Variants in MRC2 observed in about 807,000 individuals in gnomAD.
MRC2 encodes mannose receptor C-type 2, also known as C-type mannose receptor 2.
Under a neutral mutation model 206.2 loss-of-function variants are expected in MRC2, and 84 were observed. That is an observed-to-expected ratio of 0.41 (90% CI 0.34 to 0.49). The LOEUF is 0.49. Among genes scored for constraint, MRC2 ranks in the 20% least tolerant of loss-of-function variants. The probability of loss-of-function intolerance (pLI) is 0.31; values close to 1 mark genes in which losing one functional copy is unlikely to be tolerated. For missense variants in MRC2, 1,676 were observed against 2,001.5 expected (o/e 0.84, Z 3.10); for synonymous variants, 798 against 800.0 (o/e 1.00, Z 0.04).
chr17:62,662,249 C>CAAA (rs36108581), intron 1 of MRC2, among the ~76,000 whole-genome samples: 1 of 119,206 alleles, frequency 8.4e-6, no homozygotes, highest in Admixed American at 8.7e-5. Context: ...GACTCTGTCT[C>CAAA]AAAAAAAAAA....
intron 1 of MRC2, among the ~76,000 whole-genome samples, chr17:62,651,744 G>A (rs1346260190): frequency 1.3e-5 from 2 of 151,862 alleles, no homozygotes. Context: ...GCTAATTTTT[G>A]TATTTTTATT....
chr17:62,636,665 G>T (rs2088324693), intron 1 of MRC2, among the ~76,000 whole-genome samples: 1 of 151,764 alleles, frequency 6.6e-6, no homozygotes, highest in African/African-American at 2.4e-5. Flanking sequence ...GTAGAGACGG[G>T]GTTTCACCGT....
chr17:62,670,962 G>A (rs1307451968), intron 6 of MRC2, among the ~76,000 whole-genome samples: 1 of 152,212 alleles, frequency 6.6e-6, no homozygotes, highest in Non-Finnish European at 1.5e-5. Context: ...TTACTAGGCA[G>A]GGGGCCATAA....
chr17:62,668,696 G>T (rs1381874896), intron 6 of MRC2, among the ~76,000 whole-genome samples: 1 of 152,220 alleles, frequency 6.6e-6, no homozygotes, highest in African/African-American at 2.4e-5. Context: ...GGCCAAGTTT[G>T]GGTGGGGCCA....
rs145788784 is a variant in MRC2, at chr17:62,643,068, C to T, written c.118+15148C>T. ...AATAGCCAGGCGCGGTTGCTCTCGCCTGTAATCCCAGCACTTTGGGAGTCC... is the reference window on the plus strand; with the variant it reads ...AATAGCCAGGCGCGGTTGCTCTCGCTTGTAATCCCAGCACTTTGGGAGTCC... On this transcript the variant is annotated intron_variant, in intron 1 of 29. Coordinates refer to ENST00000303375, the MANE Select transcript of MRC2 (RefSeq NM_006039.5). 5.0e-3 allele frequency among the ~76,000 whole-genome samples: 758 copies of T among 152,244 alleles called. 4 individuals are homozygous for T. The highest frequency in any genetic ancestry group is 0.016 in the African/African-American group (685 of 41,542).
At chr17:62,638,354 A>C (rs865831522) in intron 1 of MRC2, among the ~76,000 whole-genome samples, 1 of 152,212 alleles carries the variant, frequency 6.6e-6, no homozygotes, top group Non-Finnish European at 1.5e-5. Context: ...CTAGAAAAAA[A>C]TTCCAGAAGT....
chr17:62,688,624 A>C lies in MRC2; in HGVS notation c.3185A>C (p.Glu1062Ala). Reference sequence around the variant, plus strand: ...ATGTATGCCAACTGGGCACCTGGGGAGCCCTCTGGCCCTAGCCCTGCTCCC... The same window carrying C: ...ATGTATGCCAACTGGGCACCTGGGGCGCCCTCTGGCCCTAGCCCTGCTCCC... ...PLMYANWAPG[E>A]PSGPSPAPSG... is the part of the protein sequence containing the mutation. The change falls in exon 22 of 30, where the codon GAG becomes GCG. Residue 1062 changes from glutamate (E) to alanine (A), a missense_variant. This residue lies in a region of MRC2 where 1,354 missense variants were observed against 1,636.6 expected (regional missense o/e 0.83). Coordinates refer to ENST00000303375, the MANE Select transcript of MRC2 (RefSeq NM_006039.5). 1 of 1,614,088 alleles carries C rather than the reference A, an allele frequency of 6.2e-7. No individual in the cohort carries two copies.
intron 1 of MRC2, among the ~76,000 whole-genome samples, chr17:62,658,049 T>C (rs1394832488): frequency 6.6e-6 from 1 of 152,106 alleles, no homozygotes; most frequent in East Asian, 1.9e-4. Flanking sequence ...TGCTGCCAAA[T>C]GAGAAAATGC....
chr17:62,654,219 C>G (rs1269363502), intron 1 of MRC2, among the ~76,000 whole-genome samples: 1 of 152,026 alleles, frequency 6.6e-6, no homozygotes, highest in Non-Finnish European at 1.5e-5. Flanking sequence ...AGGGATGGAA[C>G]TGAGTCCCCT....
intron 20 of MRC2, among the ~76,000 whole-genome samples, chr17:62,684,274 T>A (rs1051400886): frequency 6.6e-6 from 1 of 152,190 alleles, no homozygotes; most frequent in African/African-American, 2.4e-5. Flanking sequence ...ATTCTCCCCA[T>A]TTTTAGTCCT....
In MRC2 at chr17:62,689,219, G is replaced by A. The variant is rs577516525; in HGVS notation, c.3334+259G>A. Among the ~76,000 whole-genome samples, 167 of 152,292 alleles carry A rather than the reference G, an allele frequency of 1.1e-3. 3 individuals carry two copies. In the South Asian group the frequency reaches 0.033, roughly 30 times the overall value. On this transcript the variant is annotated intron_variant, in intron 23 of 29. Coordinates refer to ENST00000303375, the MANE Select transcript of MRC2 (RefSeq NM_006039.5). ...GCTGGGCTGCATGAAGTGCTGGCAC[G>A]TGTGGCGTCAAGGACCCTGAGGTTC...
In MRC2 at chr17:62,673,000, A is replaced by T. The variant is rs113206480; in HGVS notation, c.1461+848A>T. 0.015 allele frequency among the ~76,000 whole-genome samples: 2,314 copies of T among 151,474 alleles called. 101 individuals carry two copies. The highest frequency in any genetic ancestry group is 0.12 in the East Asian group (640 of 5,156). On this transcript the variant is annotated intron_variant, in intron 8 of 29. Coordinates refer to ENST00000303375, the MANE Select transcript of MRC2 (RefSeq NM_006039.5). This position sits in a 1 kb window ranked among gnomAD's most constrained non-coding sequence, Gnocchi z 4.5. Reference sequence around the variant, plus strand: ...GAGCAAGACCCTGTCTCAAAAAAAAAAAAATAAAATAAAAAGGAGAAAGCC... The same window carrying T: ...GAGCAAGACCCTGTCTCAAAAAAAATAAAATAAAATAAAAAGGAGAAAGCC...
At chr17:62,674,192 C>G in intron 9 of MRC2, 22 bp downstream of exon 9, 1 of 1,524,046 alleles carries the variant, frequency 6.6e-7, no homozygotes, top group Non-Finnish European at 8.9e-7. Flanking sequence ...TCTGGAGCTG[C>G]CCTGAGTGGG....
intron 1 of MRC2, among the ~76,000 whole-genome samples, chr17:62,646,399 A>G (rs1487005218): frequency 1.3e-5 from 2 of 151,988 alleles, no homozygotes; most frequent in Non-Finnish European, 2.9e-5. Flanking sequence ...GGCTCAAGCT[A>G]TCCTCCTGCC....
In MRC2 at chr17:62,680,608, C is replaced by G; in HGVS notation, c.2473+155C>G. The G allele has an allele frequency of 7.7e-7, 1 of 1,296,734 alleles. No individual in the cohort carries two copies. Among genetic ancestry groups the G allele is most frequent in the South Asian group, 1.4e-5 (1 of 71,486 alleles). 80.3% of individuals were successfully genotyped at this position (1,296,734 alleles called of 1,614,324 possible). ...GGCTCGGACGGAGGCAGCCACAGCC[C>G]TGTTTGCTTCCGTGTGGGAGGCGAG... On this transcript the variant is annotated intron_variant, in intron 16 of 29. Coordinates refer to ENST00000303375, the MANE Select transcript of MRC2 (RefSeq NM_006039.5). This position sits in a 1 kb window ranked among gnomAD's most constrained non-coding sequence, Gnocchi z 4.8.
rs773565730 is a variant in MRC2, at chr17:62,677,447, G to C, written c.2013G>C (p.Gln671His). Reference protein sequence around the residue: ...PTPSLTGSCPQGWASDTKLRY... With the variant: ...PTPSLTGSCPHGWASDTKLRY... ...CCAGCCTCACTGGCTCCTGTCCCCAGGGCTGGGCCTCGGACACCAAACTCC... is the reference window on the plus strand; with the variant it reads ...CCAGCCTCACTGGCTCCTGTCCCCACGGCTGGGCCTCGGACACCAAACTCC... The change falls in exon 12 of 30, where the codon CAG becomes CAC. Residue 671 changes from glutamine (Q) to histidine (H), a missense_variant. By Grantham distance (24) the Gln-to-His change is conservative. Transcript: ENST00000303375. 3.1e-6 allele frequency: 5 copies of C among 1,608,998 alleles called. No homozygotes were observed. The highest frequency in any genetic ancestry group is 4.2e-6 in the Non-Finnish European group (5 of 1,177,286).
chr17:62,636,396 TG>T (rs1330108723), intron 1 of MRC2, among the ~76,000 whole-genome samples: 1 of 151,616 alleles, frequency 6.6e-6, no homozygotes, highest in East Asian at 1.9e-4. Context: ...GTAGATTCTG[TG>T]GGTAATCTTC....
Position 62,627,924 on chromosome 17 carries a change from A to G in MRC2, c.118+4A>G, listed in dbSNP as rs2084181830. ...CCTGGGGACGCCGCCCTCCCGGGTA[A>G]GGCGCTGCCAACTTGGCCAACTTCA... On this transcript the variant is annotated splice_donor_region_variant and intron_variant, in intron 1 of 29. Coordinates refer to ENST00000303375, the MANE Select transcript of MRC2 (RefSeq NM_006039.5). 1 of 1,429,958 alleles carries G rather than the reference A, an allele frequency of 7.0e-7. No individual in the cohort carries two copies. The allele number at this position is 1,429,958 out of a possible 1,614,324, so 88.6% of individuals were successfully genotyped here. A position where few individuals can be genotyped will look rare whatever the true frequency, so the allele number is the denominator to read the frequency against.
intron 1 of MRC2, among the ~76,000 whole-genome samples, chr17:62,647,865 A>G (rs2088508939): frequency 3.9e-5 from 6 of 152,160 alleles, no homozygotes; most frequent in Admixed American, 2.6e-4. Flanking sequence ...CTTCCCATCC[A>G]TGATCTCAGC....
Sources: gnomAD v4.1 joint callset for allele counts (sites outside exome capture counted in the v4.1 genomes callset) on GRCh38, gnomAD v4.1.1 for gene constraint, gnomAD v4.1.1 regional missense constraint, Gnocchi (gnomAD v3.1) non-coding constraint, MANE v1.5 for transcripts, NCBI Gene and HGNC (gene_info 2026-07-23, HGNC 2026-07-21) for gene names.